WWOX: variants seen among roughly 807,000 people sequenced by gnomAD.
WWOX encodes WW domain-containing oxidoreductase.
Under a neutral mutation model 46.2 loss-of-function variants are expected in WWOX, and 69 were observed. That is an observed-to-expected ratio of 1.49 (90% CI 1.23 to 1.82). The LOEUF (loss-of-function observed/expected upper bound fraction) is 1.82. Ranked by LOEUF, WWOX falls within the 40% of genes most tolerant of loss-of-function variation. The pLI, the probability that WWOX is intolerant of heterozygous loss-of-function variation, is 0.00. For missense variants in WWOX, 919 were observed against 542.6 expected, an observed-to-expected ratio of 1.69 and a Z score of -6.89; for synonymous variants, 359 against 202.6, an observed-to-expected ratio of 1.77 and a Z score of -6.56.
At position 78,512,555 on chromosome 16, in the gene WWOX, A is replaced by G. The variant is rs77022553; in HGVS notation, c.1056+79803A>G. 3.8e-4 allele frequency among the ~76,000 whole-genome samples: 58 copies of G among 152,324 alleles called. 1 individual carries two copies. The East Asian group carries it at 0.011, about 29-fold the overall frequency. On this transcript the variant is annotated intron_variant, in intron 8 of 8. Coordinates refer to ENST00000566780, the MANE Select transcript of WWOX (RefSeq NM_016373.4). ...TTAGAAATGGAATTTTTAAAAAAGC[A>G]ATACTCAAGTGGAGTGAGTTCATTT...
chr16:79,028,410 G>C (rs1408179455), intron 8 of WWOX, among the ~76,000 whole-genome samples: 2 of 151,816 alleles, frequency 1.3e-5, no homozygotes, highest in South Asian at 2.1e-4. Context: ...AGAAACATGA[G>C]GCAGTGTACA....
rs869066028 is a variant in WWOX at position 78,753,801 on chromosome 16, CAAAAAAAAA to C, written c.1056+321066_1056+321074del. 1.8e-3 allele frequency among the ~76,000 whole-genome samples: 51 copies of C among 29,096 alleles called. 1 individual carries two copies. Among genetic ancestry groups the C allele is most frequent in the African/African-American group, 3.7e-3 (26 of 7,030 alleles). The allele number at this position is 29,096 out of a possible 152,430, so 19.1% of individuals were successfully genotyped here. A position where few individuals can be genotyped will look rare whatever the true frequency, so the allele number is the denominator to read the frequency against. ...TGGGTGACAGGGCAAGACCCTATATCAAAAAAAAAAAAAAAAAAAAAAAAATATATATAT... is the reference window on the plus strand; with the variant it reads ...TGGGTGACAGGGCAAGACCCTATATCAAAAAAAAAAAAAAAATATATATAT... On this transcript the variant is annotated intron_variant, in intron 8 of 8. Coordinates refer to ENST00000566780, the MANE Select transcript of WWOX (RefSeq NM_016373.4).
intron 8 of WWOX, among the ~76,000 whole-genome samples, chr16:78,997,461 C>T (rs1359995348): frequency 6.6e-6 from 1 of 152,086 alleles, no homozygotes; most frequent in Non-Finnish European, 1.5e-5. Context: ...ATGGGCCTGA[C>T]CTCCCTTTTC....
At chr16:78,999,123 G>C (rs1324688130) in intron 8 of WWOX, among the ~76,000 whole-genome samples, 2 of 151,968 alleles carry the variant, frequency 1.3e-5, no homozygotes, top group Non-Finnish European at 2.9e-5. Flanking sequence ...CAAGAACCCA[G>C]CGCCAGTGGC....
intron 8 of WWOX, among the ~76,000 whole-genome samples, chr16:78,771,248 G>A (rs933157560): frequency 6.6e-6 from 1 of 152,214 alleles, no homozygotes; most frequent in Admixed American, 6.5e-5. Flanking sequence ...GTGTTGAGTG[G>A]ATTGGTAAGG....
At chr16:78,676,420 T>TTA (rs200412083) in intron 8 of WWOX, among the ~76,000 whole-genome samples, 1 of 147,098 alleles carries the variant, frequency 6.8e-6, no homozygotes, top group Non-Finnish European at 1.5e-5. Context: ...TTTTTTTTTT[T>TTA]AACTCTGGGA....
intron 8 of WWOX, among the ~76,000 whole-genome samples, chr16:78,674,057 C>T (rs578005649): frequency 6.6e-6 from 1 of 151,936 alleles, no homozygotes; most frequent in East Asian, 1.9e-4. Flanking sequence ...CGATGGGAAC[C>T]GACTCAAAGA....
intron 8 of WWOX, chr16:79,004,873 T>C (rs1414005872): frequency 1.3e-5 from 2 of 152,212 alleles, no homozygotes; most frequent in Non-Finnish European, 1.5e-5. Flanking sequence ...GAGATTTTAT[T>C]ATTTGTAATT....
chr16:78,753,444 C>G (rs975590802), intron 8 of WWOX, among the ~76,000 whole-genome samples: 1 of 152,126 alleles, frequency 6.6e-6, no homozygotes, highest in Non-Finnish European at 1.5e-5. Context: ...TCTTAAGATA[C>G]TTCTCAGTTT....
At chr16:78,235,758 C>G (rs2037415307) in intron 5 of WWOX, among the ~76,000 whole-genome samples, 1 of 152,150 alleles carries the variant, frequency 6.6e-6, no homozygotes, top group Admixed American at 6.5e-5. Context: ...CTCATATTGT[C>G]CAGACTAGAT....
At chr16:78,742,378 A>G (rs970805056) in intron 8 of WWOX, among the ~76,000 whole-genome samples, 8 of 152,204 alleles carry the variant, frequency 5.3e-5, no homozygotes, top group African/African-American at 1.9e-4. Flanking sequence ...GCTCTGGCTC[A>G]GGTTAAGTGT....
At chr16:78,713,692 G>T (rs775881998) in intron 8 of WWOX, among the ~76,000 whole-genome samples, 19 of 152,162 alleles carry the variant, frequency 1.2e-4, no homozygotes, top group Admixed American at 6.5e-5. Flanking sequence ...CCAAGGCAAG[G>T]GGCCTCCGGA....
chr16:79,077,395 C>T (rs1487122436), intron 8 of WWOX: 1 of 152,120 alleles, frequency 6.6e-6, no homozygotes, highest in East Asian at 1.9e-4. Flanking sequence ...GATTAAAAAA[C>T]CACATGCATG....
chr16:78,598,935 G>A (rs1351674739), intron 8 of WWOX, among the ~76,000 whole-genome samples: 2 of 152,192 alleles, frequency 1.3e-5, no homozygotes, highest in African/African-American at 2.4e-5. Context: ...TCTCAACAGG[G>A]AAACTGAAGC....
At position 78,345,685 on chromosome 16, in the gene WWOX, C is replaced by T. The variant is rs938677891; in HGVS notation, c.517-41175C>T. On this transcript the variant is annotated intron_variant, in intron 5 of 8. Transcript: ENST00000566780. ...AAAAGTAAAATAAAGCATGGGAAGTCCCTTATACAGTTTGTGATATGGGTA... is the reference window on the plus strand; with the variant it reads ...AAAAGTAAAATAAAGCATGGGAAGTTCCTTATACAGTTTGTGATATGGGTA... Among the ~76,000 whole-genome samples, 66 of 108,516 alleles carry T rather than the reference C, an allele frequency of 6.1e-4. 11 individuals are homozygous for T. The highest frequency in any genetic ancestry group is 2.1e-3 in the African/African-American group (66 of 32,090). The allele number at this position is 108,516 out of a possible 152,430, so 71.2% of individuals were successfully genotyped here.
intron 8 of WWOX, among the ~76,000 whole-genome samples, chr16:78,446,820 C>T (rs149943455): frequency 3.3e-5 from 5 of 151,888 alleles, no homozygotes; most frequent in Non-Finnish European, 2.9e-5. Flanking sequence ...GCTACTACCC[C>T]CGGCAAACTT....
At chr16:78,249,180 C>T (rs1419399951) in intron 5 of WWOX, among the ~76,000 whole-genome samples, 3 of 152,092 alleles carry the variant, frequency 2.0e-5, no homozygotes, top group Admixed American at 6.6e-5. Flanking sequence ...GATGACAAGG[C>T]ATGGAATGGT....
chr16:79,024,609 A>AT (rs1250529887), intron 8 of WWOX, among the ~76,000 whole-genome samples: 8 of 151,464 alleles, frequency 5.3e-5, no homozygotes, highest in Non-Finnish European at 1.2e-4. Flanking sequence ...AATTTTTTGT[A>AT]TTTTTTTAGT....
intron 8 of WWOX, among the ~76,000 whole-genome samples, chr16:78,517,816 C>G (rs915226798): frequency 1.0e-4 from 13 of 129,748 alleles, no homozygotes; most frequent in African/African-American, 3.4e-4. Flanking sequence ...TTTTATATAA[C>G]AAGAAGTGAA....
Sources: allele counts gnomAD v4.1 joint callset (sites outside exome capture counted in the v4.1 genomes callset), GRCh38; gene constraint gnomAD v4.1.1; transcripts MANE v1.5; gene names NCBI Gene and HGNC (gene_info 2026-07-23, HGNC 2026-07-21).